Variants in SYNJ1 observed in about 807,000 individuals in gnomAD.
The protein encoded by SYNJ1 is synaptojanin 1.
SYNJ1 carries 78 observed loss-of-function variants against 168.2 expected under a neutral mutation model. That is an observed-to-expected ratio of 0.46 (90% CI 0.39 to 0.56). The LOEUF is 0.56. Among genes scored for constraint, SYNJ1 ranks in the 20% least tolerant of loss-of-function variants. The pLI is 0.00. For synonymous variants in SYNJ1, 539 were observed against 548.6 expected, an observed-to-expected ratio of 0.98 and a Z score of 0.24; for missense variants, 1,303 against 1,597.6, an observed-to-expected ratio of 0.82 and a Z score of 3.14.
At chr21:32,718,127 G>C (rs1343129636) in intron 2 of SYNJ1, among the ~76,000 whole-genome samples, 1 of 152,188 alleles carries the variant, frequency 6.6e-6, no homozygotes, top group Non-Finnish European at 1.5e-5. Context: ...TTATAGTCCT[G>C]AGTTACGTAT....
At chr21:32,650,097 G>C in intron 23 of SYNJ1, 87 bp downstream of exon 23, 1 of 1,465,292 alleles carries the variant, frequency 6.8e-7, no homozygotes, top group South Asian at 1.4e-5. Flanking sequence ...AGAAGAAGAA[G>C]AAAGATGAAC....
chr21:32,658,786 C>T (rs1290698109), intron 18 of SYNJ1, among the ~76,000 whole-genome samples: 3 of 152,192 alleles, frequency 2.0e-5, no homozygotes, highest in Non-Finnish European at 4.4e-5. Flanking sequence ...TGCAGTGGGT[C>T]AAGTGAGCAG....
At chr21:32,633,066 A>T (rs925604899) in intron 32 of SYNJ1, among the ~76,000 whole-genome samples, 12 of 152,174 alleles carry the variant, frequency 7.9e-5, no homozygotes, top group African/African-American at 2.9e-4. Context: ...TCCATAAAAA[A>T]ATTGACCCTC....
At chr21:32,691,063 A>G (rs1483784797) in intron 6 of SYNJ1, among the ~76,000 whole-genome samples, 2 of 152,304 alleles carry the variant, frequency 1.3e-5, no homozygotes, top group East Asian at 3.9e-4. Flanking sequence ...AGACCTTACA[A>G]TGTTTACCAT....
At chr21:32,674,185 C>T (rs916383682) in intron 13 of SYNJ1, among the ~76,000 whole-genome samples, 1 of 152,206 alleles carries the variant, frequency 6.6e-6, no homozygotes, top group African/African-American at 2.4e-5. Flanking sequence ...CTCCCTGGTG[C>T]ACTCACTGCT....
At position 32,695,093 on chromosome 21, in the gene SYNJ1, A is replaced by C; in HGVS notation, c.669T>G (p.Asp223Glu). 1 of 1,614,166 alleles carries C rather than the reference A, an allele frequency of 6.2e-7. No homozygotes were observed. The highest frequency in any genetic ancestry group is 1.1e-5 in the South Asian group (1 of 91,088). Residue 223 changes from aspartate (D) to glutamate (E), a missense_variant, in exon 5 of 33, where the codon GAT becomes GAG. This residue lies in a region of SYNJ1 where 920 missense variants were observed against 1,208.8 expected (regional missense o/e 0.76). Coordinates refer to ENST00000674351, the MANE Select transcript of SYNJ1 (RefSeq NM_203446.3). ...GTRFNVRGTN[D>E]DGHVANFVET... ...CTACAAAATTGGCAACATGACCATC[A>C]TCATTTGTTCCCCGGACATTAAACC...
At chr21:32,644,921 CATT>C in intron 26 of SYNJ1, 44 bp downstream of exon 26, 3 of 1,588,436 alleles carry the variant, frequency 1.9e-6, no homozygotes, top group Non-Finnish European at 2.6e-6. Context: ...AGGTGTAAAA[CATT>C]AATGAACCAC....
chr21:32,670,816 C>A (rs115288138), intron 14 of SYNJ1: 3 of 984,946 alleles, frequency 3.0e-6, no homozygotes, highest in Non-Finnish European at 3.6e-6. Context: ...AAAACATAAT[C>A]TTGATCTTTT....
At chr21:32,672,059 C>CAAAAAAAA (rs1160074724) in intron 14 of SYNJ1, among the ~76,000 whole-genome samples, 91 of 24,372 alleles carry the variant, frequency 3.7e-3, no homozygotes, top group East Asian at 4.6e-3. Flanking sequence ...AACTCAATCT[C>CAAAAAAAA]AAAAAAAAAA....
chr21:32,719,047 C>T (rs1569135393), intron 2 of SYNJ1, among the ~76,000 whole-genome samples: 1 of 152,202 alleles, frequency 6.6e-6, no homozygotes, highest in Non-Finnish European at 1.5e-5. Context: ...GGGCAGTTAT[C>T]TTTCCAATCC....
At chr21:32,645,039 G>C in intron 25 of SYNJ1, 33 bp from the exon 26 acceptor site, 1 of 1,589,488 alleles carries the variant, frequency 6.3e-7, no homozygotes, top group South Asian at 1.2e-5. Context: ...GCAGCAGAAA[G>C]GAAATGACAT....
intron 6 of SYNJ1, among the ~76,000 whole-genome samples, chr21:32,688,889 T>C (rs1171767197): frequency 2.6e-5 from 4 of 152,238 alleles, no homozygotes; most frequent in Non-Finnish European, 5.9e-5. Flanking sequence ...TCTACTATGT[T>C]GAATATTCTA....
chr21:32,661,501 C>T (rs924760908), intron 18 of SYNJ1, among the ~76,000 whole-genome samples: 2 of 152,302 alleles, frequency 1.3e-5, no homozygotes, highest in African/African-American at 4.8e-5. Flanking sequence ...TCTCCGAGAT[C>T]TTATTCCTAG....
rs910181222 is a variant in SYNJ1, at chr21:32,713,597, G to C, written c.125-11550C>G. On this transcript the variant is annotated intron_variant, in intron 2 of 32. Transcript: ENST00000674351. ...GGATGATTTCCCATATGTCAACATG[G>C]ATGATTTCCCATATGTCAACATGGA... is the stretch of plus-strand genomic sequence containing the variant. Among the ~76,000 whole-genome samples, 9 of 146,818 alleles carry C rather than the reference G, an allele frequency of 6.1e-5. No individual in the cohort carries two copies. The South Asian group carries it at 2.0e-3, about 33-fold the overall frequency.
intron 4 of SYNJ1, 52 bp downstream of exon 4, chr21:32,699,786 A>T (rs2042334450): frequency 3.2e-6 from 5 of 1,558,620 alleles, no homozygotes; most frequent in Non-Finnish European, 4.3e-6. Context: ...TGACTGAACA[A>T]CTGCTGAACA....
intron 7 of SYNJ1, among the ~76,000 whole-genome samples, chr21:32,687,678 T>C (rs990866064): frequency 6.6e-6 from 1 of 152,246 alleles, no homozygotes; most frequent in East Asian, 1.9e-4. Context: ...CATTTCAACA[T>C]GTAATCAATA....
chr21:32,684,396 A>C (rs2041744020), intron 9 of SYNJ1, among the ~76,000 whole-genome samples: 1 of 152,220 alleles, frequency 6.6e-6, no homozygotes, highest in Non-Finnish European at 1.5e-5. Flanking sequence ...ATATACATTC[A>C]GGTTTATGCT....
rs140112176 is a variant in SYNJ1, at chr21:32,666,120, A to G, written c.1968T>C (p.Asp656=). 17 of 1,599,324 alleles carry G rather than the reference A, an allele frequency of 1.1e-5. No individual in the cohort carries two copies. In the African/African-American group the frequency reaches 1.9e-4, roughly 18 times the overall value. The change falls in exon 17 of 33, where the codon GAT becomes GAC. Residue 656 remains aspartate, a synonymous_variant. Coordinates refer to ENST00000674351, the MANE Select transcript of SYNJ1 (RefSeq NM_203446.3). The part of the protein sequence containing the change: ...HAPFIRDVAV[D]TVKTGMGGAT... ...CACCTCCCATTCCAGTCTTCACAGT[A>G]TCAACTGCAACATCCCTTTGAAACA...
At chr21:32,637,116 T>G (rs2039601763) in intron 31 of SYNJ1, among the ~76,000 whole-genome samples, 1 of 152,220 alleles carries the variant, frequency 6.6e-6, no homozygotes, top group African/African-American at 2.4e-5. Flanking sequence ...TTCAGAGTAC[T>G]TTATCTACTT....
Sources: allele counts gnomAD v4.1 joint callset (sites outside exome capture counted in the v4.1 genomes callset), GRCh38; gene constraint gnomAD v4.1.1; regional missense constraint gnomAD v4.1.1; transcripts MANE v1.5; gene names NCBI Gene and HGNC (gene_info 2026-07-23, HGNC 2026-07-21).